ZNF69: variants seen among roughly 807,000 people sequenced by gnomAD.
ZNF69 encodes the protein zinc finger protein 69.
Under a neutral mutation model 50.9 loss-of-function variants are expected in ZNF69, and 47 were observed. That is an observed-to-expected ratio of 0.92 (90% CI 0.73 to 1.18). The LOEUF (loss-of-function observed/expected upper bound fraction) is 1.18, where lower values mean the gene tolerates loss of function less well. Among genes scored for constraint, ZNF69 ranks in the 50% most tolerant of loss-of-function variants. The probability of loss-of-function intolerance (pLI) is 0.00; values close to 1 mark genes in which losing one functional copy is unlikely to be tolerated. For synonymous variants in ZNF69, 216 were observed against 223.1 expected, an observed-to-expected ratio of 0.97 and a Z score of 0.29; for missense variants, 717 against 675.1, an observed-to-expected ratio of 1.06 and a Z score of -0.69.
chr19:11,937,154 A>C, the ZNF69 span, among the ~76,000 whole-genome samples: 5 of 152,196 alleles, frequency 3.3e-5, no homozygotes, highest in African/African-American at 1.2e-4. Context: ...CTTATTGCCA[A>C]ATCCAAGGTT....
the ZNF69 span, chr19:11,949,552 T>C: frequency 6.2e-7 from 1 of 1,610,700 alleles, no homozygotes. Context: ...ACCTTATAAA[T>C]GTAGTATATG....
the ZNF69 span, among the ~76,000 whole-genome samples, chr19:11,941,924 A>G: frequency 9.9e-5 from 15 of 152,278 alleles, no homozygotes; most frequent in African/African-American, 2.9e-4. Flanking sequence ...GGGTGGCTGC[A>G]TTGCTCATTA....
At chr19:11,900,044 C>G (rs965752245) in intron 1 of ZNF69, among the ~76,000 whole-genome samples, 8 of 152,114 alleles carry the variant, frequency 5.3e-5, no homozygotes, top group African/African-American at 1.9e-4. Context: ...GCCTCTGCCT[C>G]CCGGGTTTAA....
exon 5 of ZNF69, chr19:11,914,264 C>T (rs897940034): frequency 6.6e-6 from 1 of 151,484 alleles, no homozygotes; most frequent in African/African-American, 2.4e-5. Flanking sequence ...TGCAGTGAGC[C>T]GAGGTCACAC....
At chr19:11,950,397 G>C in the ZNF69 span, 1 of 888,206 alleles carries the variant, frequency 1.1e-6, no homozygotes, top group African/African-American at 1.7e-5. Context: ...ATCAATGTAA[G>C]CAGTGTGGGA....
Position 11,905,029 on chromosome 19 carries a change from T to C in ZNF69, c.632T>C (p.Val211Ala), listed in dbSNP as rs1323685562. The C allele has an allele frequency of 6.2e-7, 1 of 1,614,084 alleles. No homozygotes were observed. The highest frequency in any genetic ancestry group is 8.5e-7 in the Non-Finnish European group (1 of 1,180,012). The change falls in exon 4 of 4, where the codon GTG becomes GCG. Residue 211 changes from valine (V) to alanine (A), a missense_variant. Coordinates refer to ENST00000429654, the MANE Select transcript of ZNF69 (RefSeq NM_001364730.1). Reference sequence around the variant, plus strand: ...TCCCATTCAAGCATTCAAAGACACGTGGTAATGCACAGTGGGGATGGACCT... The same window carrying C: ...TCCCATTCAAGCATTCAAAGACACGCGGTAATGCACAGTGGGGATGGACCT... Reference protein sequence around the residue: ...FISHSSIQRHVVMHSGDGPYK... With the variant: ...FISHSSIQRHAVMHSGDGPYK...
the ZNF69 span, among the ~76,000 whole-genome samples, chr19:11,953,713 A>G: frequency 6.6e-6 from 1 of 152,226 alleles, no homozygotes; most frequent in African/African-American, 2.4e-5. Context: ...AGGTGGGGAA[A>G]CATTGAGTGG....
chr19:11,977,425 A>C, the ZNF69 span: 2 of 1,613,970 alleles, frequency 1.2e-6, no homozygotes, highest in Non-Finnish European at 1.7e-6. Context: ...CCCAGGAGAA[A>C]CTTCAGGTAA....
the ZNF69 span, among the ~76,000 whole-genome samples, chr19:11,970,341 G>T: frequency 6.6e-6 from 1 of 152,228 alleles, no homozygotes; most frequent in African/African-American, 2.4e-5. Context: ...TCCCATATGT[G>T]AGTTAACCAC....
At chr19:11,949,720 T>C in the ZNF69 span, 2 of 1,613,912 alleles carry the variant, frequency 1.2e-6, no homozygotes, top group Non-Finnish European at 1.7e-6. Flanking sequence ...ACCCTATGAG[T>C]GTAAGCAATG....
the ZNF69 span, among the ~76,000 whole-genome samples, chr19:11,975,243 G>A: frequency 6.6e-6 from 1 of 151,616 alleles, no homozygotes; most frequent in Non-Finnish European, 1.5e-5. Flanking sequence ...GAGATAAAAC[G>A]CATGTTTAGT....
chr19:11,965,282 C>G, the ZNF69 span: 1 of 1,604,616 alleles, frequency 6.2e-7, no homozygotes, highest in African/African-American at 1.3e-5. Flanking sequence ...CCGGCTGCGG[C>G]GGGACCCGGG....
the ZNF69 span, chr19:11,925,297 G>T: frequency 6.2e-7 from 1 of 1,609,634 alleles, no homozygotes; most frequent in Non-Finnish European, 8.5e-7. Flanking sequence ...ACCAGATGTC[G>T]TGAGACGGGG....
At chr19:11,950,196 G>A in the ZNF69 span, 1 of 1,613,798 alleles carries the variant, frequency 6.2e-7, no homozygotes, top group Non-Finnish European at 8.5e-7. Context: ...TACACGCAAG[G>A]ACTCATATGG....
At chr19:11,903,385 G>A (rs1173008548) in intron 1 of ZNF69, among the ~76,000 whole-genome samples, 188 bp from the exon 2 acceptor site, 1 of 152,220 alleles carries the variant, frequency 6.6e-6, no homozygotes, top group Non-Finnish European at 1.5e-5. Context: ...TCCAGCCTGG[G>A]CAATAAGAGT....
intron 1 of ZNF69, among the ~76,000 whole-genome samples, chr19:11,901,982 T>TTTC (rs1972255094): frequency 6.7e-6 from 1 of 148,216 alleles, no homozygotes; most frequent in African/African-American, 2.5e-5. Flanking sequence ...TATTTTCTTT[T>TTTC]TTTTTTTTTT....
At chr19:11,941,648 C>T in the ZNF69 span, among the ~76,000 whole-genome samples, 28 of 152,306 alleles carry the variant, frequency 1.8e-4, no homozygotes, top group African/African-American at 4.3e-4. Flanking sequence ...AAGCGCCGCG[C>T]GCAGCCCCAG....
At chr19:11,965,022 A>T in the ZNF69 span, 18 of 621,102 alleles carry the variant, frequency 2.9e-5, no homozygotes, top group South Asian at 2.0e-4. Flanking sequence ...TTATCCAGGC[A>T]CAGAGTGGGT....
chr19:11,925,081 C>A, the ZNF69 span: 1 of 1,023,642 alleles, frequency 9.8e-7, no homozygotes, highest in Non-Finnish European at 1.5e-6. Context: ...GCCCACAGTT[C>A]ATCCGGAAAT....
Sources: allele counts gnomAD v4.1 joint callset (sites outside exome capture counted in the v4.1 genomes callset), GRCh38; gene constraint gnomAD v4.1.1; transcripts MANE v1.5; gene names NCBI Gene and HGNC (gene_info 2026-07-23, HGNC 2026-07-21).